Variants in GPAT3 observed in about 807,000 individuals in gnomAD.
GPAT3 encodes the protein glycerol-3-phosphate acyltransferase 3.
Under a neutral mutation model 58.8 loss-of-function variants are expected in GPAT3, and 53 were observed. The ratio of observed to expected loss-of-function variants is 0.90; its 90% confidence interval spans 0.72 to 1.13. The LOEUF (loss-of-function observed/expected upper bound fraction) is 1.13, where lower values mean the gene tolerates loss of function less well. Ranked by LOEUF, GPAT3 falls within the 50% of genes most tolerant of loss-of-function variation. GPAT3 has a pLI of 0.00. For synonymous variants in GPAT3, 197 were observed against 187.4 expected, an observed-to-expected ratio of 1.05 and a Z score of -0.42; for missense variants, 511 against 527.6, an observed-to-expected ratio of 0.97 and a Z score of 0.31.
intron 2 of GPAT3, among the ~76,000 whole-genome samples, chr4:83,559,512 T>C (rs576572489): frequency 3.4e-4 from 51 of 152,176 alleles, no homozygotes; most frequent in African/African-American, 1.2e-3. Flanking sequence ...TTAGTAGAGA[T>C]GGGGTTTCAC....
intron 2 of GPAT3, among the ~76,000 whole-genome samples, chr4:83,561,606 C>T (rs1322704809): frequency 2.0e-5 from 3 of 152,002 alleles, no homozygotes; most frequent in African/African-American, 7.2e-5. Flanking sequence ...GTGATGTGGG[C>T]AGGGATTGCA....
intron 2 of GPAT3, among the ~76,000 whole-genome samples, chr4:83,580,472 C>A (rs1726066990): frequency 6.6e-6 from 1 of 152,138 alleles, no homozygotes; most frequent in Non-Finnish European, 1.5e-5. Flanking sequence ...GCCTACATTT[C>A]TAATTATTTT....
intron 2 of GPAT3, among the ~76,000 whole-genome samples, chr4:83,555,745 T>C (rs568479870): frequency 1.3e-5 from 2 of 152,320 alleles, no homozygotes; most frequent in East Asian, 3.9e-4. Context: ...ACCAAAGGCT[T>C]GGACTTGCAA....
intron 2 of GPAT3, among the ~76,000 whole-genome samples, chr4:83,546,803 T>C (rs1021184058): frequency 2.6e-5 from 4 of 152,186 alleles, no homozygotes; most frequent in African/African-American, 9.7e-5. Flanking sequence ...TGAGATCTAA[T>C]TTCGGCTCTG....
At chr4:83,566,419 T>TTATTA (rs141548038) in intron 2 of GPAT3, among the ~76,000 whole-genome samples, 11 of 143,584 alleles carry the variant, frequency 7.7e-5, no homozygotes, top group African/African-American at 2.8e-4. Flanking sequence ...AATTAATTAA[T>TTATTA]TTATTATTAT....
In GPAT3 at chr4:83,594,957, A is replaced by C. The variant is rs751803322; in HGVS notation, c.851A>C (p.Lys284Thr). 5 of 1,612,752 alleles carry C rather than the reference A, an allele frequency of 3.1e-6. No individual in the cohort carries two copies. Among genetic ancestry groups the C allele is most frequent in the Non-Finnish European group, 4.2e-6 (5 of 1,178,840 alleles). The change falls in exon 7 of 12, where the codon AAG (lysine) becomes ACG (threonine). Residue 284 changes from lysine (K) to threonine (T), a missense_variant. Transcript: ENST00000264409. The part of the protein sequence containing the change: ...SEMKDRHLVT[K>T]RLKEHIADKK... The stretch of plus-strand genomic sequence containing the variant: ...ATGAAGGATCGACACCTGGTTACTA[A>C]GAGGTAAGCAGTGAAATTACTCAGC...
intron 6 of GPAT3, among the ~76,000 whole-genome samples, chr4:83,590,659 C>G (rs1438909541): frequency 6.6e-6 from 1 of 152,196 alleles, no homozygotes; most frequent in Non-Finnish European, 1.5e-5. Context: ...CAGCCAATTA[C>G]TTCTTTCTTC....
Position 83,541,031 on chromosome 4 carries a change from G to A in GPAT3, c.142-3505G>A, listed in dbSNP as rs149908989. Among the ~76,000 whole-genome samples the A allele has an allele frequency of 3.9e-5, 6 of 152,224 alleles. No individual in the cohort carries two copies. In the East Asian group the frequency reaches 1.2e-3, roughly 29 times the overall value. ...GATGATGAAATGGATGCCCCAAGAC[G>A]TTAAAGTCTCTTGTCTGATGTCTGA... On this transcript the variant is annotated intron_variant, in intron 1 of 11. Transcript: ENST00000264409.
At chr4:83,590,613 A>T (rs926119020) in intron 6 of GPAT3, among the ~76,000 whole-genome samples, 1 of 152,200 alleles carries the variant, frequency 6.6e-6, no homozygotes, top group Non-Finnish European at 1.5e-5. Context: ...TGCAACATTA[A>T]ATTCTTTCTT....
At position 83,598,168 on chromosome 4, in the gene GPAT3, A is replaced by G. The variant is rs766073100; in HGVS notation, c.1114A>G (p.Met372Val). ...CTGTGACGTGTGGTACATGCCCCCC[A>G]TGACCAGAGAGGTATTCCTTAGCTA... ...IVCDVWYMPP[M>V]TREEGEDAVQ... Residue 372 changes from methionine (M) to valine (V), a missense_variant, in exon 10 of 12, where the codon ATG (methionine) becomes GTG (valine). Transcript: ENST00000264409. 2 of 1,612,802 alleles carry G rather than the reference A, an allele frequency of 1.2e-6. No homozygotes were observed. The highest frequency in any genetic ancestry group is 1.7e-5 in the Admixed American group (1 of 59,652).
intron 3 of GPAT3, among the ~76,000 whole-genome samples, chr4:83,585,880 T>C (rs1009776627): frequency 1.3e-5 from 2 of 152,154 alleles, no homozygotes; most frequent in African/African-American, 4.8e-5. Flanking sequence ...AGACACTGCT[T>C]ATTTCTCTTG....
chr4:83,592,928 G>A (rs969823587), intron 6 of GPAT3, among the ~76,000 whole-genome samples: 1 of 152,024 alleles, frequency 6.6e-6, no homozygotes. Context: ...GTGCAGTGGT[G>A]TGATCTCGGC....
chr4:83,588,351 G>C, intron 5 of GPAT3, 52 bp downstream of exon 5: 1 of 1,530,846 alleles, frequency 6.5e-7, no homozygotes, highest in Non-Finnish European at 9.0e-7. Flanking sequence ...TTCAGCATGA[G>C]ATTGACAAGG....
chr4:83,562,216 TATATATATA>T (rs1725187220), intron 2 of GPAT3, among the ~76,000 whole-genome samples: 2 of 80,068 alleles, frequency 2.5e-5, no homozygotes, highest in African/African-American at 5.8e-5. Flanking sequence ...ATATATTATA[TATATATATA>T]ATATATATAT....
chr4:83,544,465 T>C, intron 1 of GPAT3, 71 bp from the exon 2 acceptor site: 1 of 1,461,170 alleles, frequency 6.8e-7, no homozygotes, highest in Non-Finnish European at 9.6e-7. Context: ...CACTTCTGTA[T>C]AATCATGGTT....
At chr4:83,583,302 A>C (rs1726233807) in intron 3 of GPAT3, among the ~76,000 whole-genome samples, 1 of 151,786 alleles carries the variant, frequency 6.6e-6, no homozygotes, top group Non-Finnish European at 1.5e-5. Flanking sequence ...CCAAAAAAAA[A>C]AGAAAGAAAG....
At chr4:83,566,943 A>AATAATTGTTGTTC (rs1428690568) in intron 2 of GPAT3, among the ~76,000 whole-genome samples, 3 of 152,016 alleles carry the variant, frequency 2.0e-5, no homozygotes, top group Non-Finnish European at 2.9e-5. Context: ...ATATTTTCTA[A>AATAATTGTTGTTC]ATAATTGTTG....
intron 11 of GPAT3, among the ~76,000 whole-genome samples, chr4:83,602,458 G>A (rs1727090832): frequency 6.6e-6 from 1 of 152,098 alleles, no homozygotes; most frequent in Admixed American, 6.6e-5. Flanking sequence ...GTACCTATTG[G>A]TTATGAATTA....
chr4:83,565,533 C>T (rs1725349155), intron 2 of GPAT3, among the ~76,000 whole-genome samples: 1 of 152,076 alleles, frequency 6.6e-6, no homozygotes, highest in African/African-American at 2.4e-5. Context: ...GAATCTCGCT[C>T]TGTCACCCAG....
Sources: gnomAD v4.1 joint callset for allele counts (sites outside exome capture counted in the v4.1 genomes callset) on GRCh38, gnomAD v4.1.1 for gene constraint, MANE v1.5 for transcripts, NCBI Gene and HGNC (gene_info 2026-07-23, HGNC 2026-07-21) for gene names.